The following MYB variants were observed in gnomAD, a reference collection of about 807,000 sequenced individuals.
MYB encodes the protein MYB proto-oncogene, transcription factor.
In MYB, 28 loss-of-function variants were observed where a neutral mutation model predicts 92.9. The ratio of observed to expected loss-of-function variants is 0.30; its 90% confidence interval spans 0.22 to 0.41. MYB has a LOEUF of 0.41. MYB is among the 10% of genes least tolerant of loss of function. The probability of loss-of-function intolerance (pLI) is 1.00; values close to 1 mark genes in which losing one functional copy is unlikely to be tolerated. For synonymous variants in MYB, 295 were observed against 329.1 expected (o/e 0.90, Z 1.12); for missense variants, 679 against 929.3 (o/e 0.73, Z 3.50).
rs1351563449 is a variant in MYB, at chr6:135,182,439, C to G, written c.23+903C>G. On this transcript the variant is annotated intron_variant, in intron 1 of 15. Coordinates refer to ENST00000341911, the MANE Select transcript of MYB (RefSeq NM_001130173.2). The surrounding 1 kb of genome is among the most constrained non-coding windows in gnomAD (Gnocchi z 5.6). The stretch of plus-strand genomic sequence containing the variant: ...GCCAGGGCTAGCTCGGCAGCCGTCG[C>G]AGTCGCCACTCGGCTCAAGGGGACA... Among the ~76,000 whole-genome samples the G allele has an allele frequency of 6.6e-6, 1 of 152,138 alleles. No homozygotes were observed. The highest frequency in any genetic ancestry group is 2.4e-5 in the African/African-American group (1 of 41,448).
At position 135,198,972 on chromosome 6, in the gene MYB, CCCT is replaced by C; in HGVS notation, c.1633_1635del (p.Leu545del). ...GAAATGCCTTCTTTAACTTCCACCC[CCCT>C]CATTGGTCACAAATTGACTGTTACA... On this transcript the variant is annotated inframe_deletion, in exon 11 of 16. Coordinates refer to ENST00000341911, the MANE Select transcript of MYB (RefSeq NM_001130173.2). 1 of 1,611,602 alleles carries C rather than the reference CCCT, an allele frequency of 6.2e-7. No homozygotes were observed. The highest frequency in any genetic ancestry group is 8.5e-7 in the Non-Finnish European group (1 of 1,177,992).
At chr6:135,199,084 CTTAT>C (rs749008640) in intron 11 of MYB, 34 bp downstream of exon 11, 1 of 1,486,884 alleles carries the variant, frequency 6.7e-7, no homozygotes, top group Non-Finnish European at 9.1e-7. Context: ...AATGATTTAT[CTTAT>C]TTACTTATAT....
chr6:135,195,466 TATG>T (rs1282558255), intron 8 of MYB: 3 of 423,082 alleles, frequency 7.1e-6, no homozygotes, highest in South Asian at 4.2e-5. Context: ...TTTAAGACAA[TATG>T]ATAATTATAC....
intron 3 of MYB, among the ~76,000 whole-genome samples, chr6:135,189,006 C>T (rs138684480): frequency 6.6e-6 from 1 of 152,212 alleles, no homozygotes; most frequent in Non-Finnish European, 1.5e-5. Flanking sequence ...CTTCCTCTCT[C>T]TAAGCAGGTT....
intron 8 of MYB, chr6:135,194,719 G>T (rs983284563): frequency 1.1e-5 from 6 of 569,846 alleles, no homozygotes; most frequent in African/African-American, 9.4e-5. Context: ...TCTTCAGAAG[G>T]ACTATAATCA....
chr6:135,212,873 T>C (rs1276484896), intron 15 of MYB, among the ~76,000 whole-genome samples: 1 of 152,182 alleles, frequency 6.6e-6, no homozygotes, highest in African/African-American at 2.4e-5. Flanking sequence ...TAATCTTCCT[T>C]TGTCAAAATA....
rs76230903 is a variant in MYB, at chr6:135,211,751, G to A, written c.2170-6113G>A. Among the ~76,000 whole-genome samples the A allele has an allele frequency of 7.1e-3, 1,086 of 152,266 alleles. 6 individuals are homozygous for A. The highest frequency in any genetic ancestry group is 0.023 in the South Asian group (110 of 4,820). Reference sequence around the variant, plus strand: ...CATCCACATTTGCAATTGTTAGTTAGGCTTGGGAAGTGGAGTCATTGGTGG... The same window carrying A: ...CATCCACATTTGCAATTGTTAGTTAAGCTTGGGAAGTGGAGTCATTGGTGG... On this transcript the variant is annotated intron_variant, in intron 15 of 15. Transcript: ENST00000341911.
intron 6 of MYB, among the ~76,000 whole-genome samples, chr6:135,193,539 A>G (rs1776897644): frequency 6.6e-6 from 1 of 152,104 alleles, no homozygotes; most frequent in Non-Finnish European, 1.5e-5. Flanking sequence ...AATGTATTTT[A>G]TAATATATTT....
intron 15 of MYB, among the ~76,000 whole-genome samples, chr6:135,210,083 G>A (rs1467427247): frequency 6.6e-6 from 1 of 152,200 alleles, no homozygotes; most frequent in African/African-American, 2.4e-5. Context: ...GAAAAGAGTT[G>A]CCTGCTTTCC....
chr6:135,198,376 TCCCAAA>T (rs1272423641), intron 10 of MYB, among the ~76,000 whole-genome samples: 1 of 152,236 alleles, frequency 6.6e-6, no homozygotes, highest in Non-Finnish European at 1.5e-5. Flanking sequence ...ATGTTGTGTT[TCCCAAA>T]TTTATTTTAC....
chr6:135,195,574 G>A, intron 8 of MYB, 174 bp from the exon 9 acceptor site: 2 of 663,740 alleles, frequency 3.0e-6, no homozygotes, highest in South Asian at 3.9e-5. Context: ...ACAGGGTCTT[G>A]CATTGATAAA....
chr6:135,190,339 G>A lies in MYB; in HGVS notation c.519G>A (p.Leu173=). 1 of 1,613,476 alleles carries A rather than the reference G, an allele frequency of 6.2e-7. No homozygotes were observed. ...GNRWAEIAKL[L]PGRTDNAIKN... The stretch of plus-strand genomic sequence containing the variant: ...GATGGGCAGAAATCGCAAAGCTACT[G>A]CCTGGACGGTAATAATATGTCAAAA... The change falls in exon 5 of 16, where the codon CTG becomes CTA. Residue 173 remains leucine (L), a synonymous_variant. Transcript: ENST00000341911. This position sits in a 1 kb window ranked among gnomAD's most constrained non-coding sequence, Gnocchi z 4.5.
intron 15 of MYB, among the ~76,000 whole-genome samples, chr6:135,217,253 C>T: frequency 6.6e-6 from 1 of 151,902 alleles, no homozygotes; most frequent in East Asian, 1.9e-4. Context: ...CCTGTAGTCC[C>T]AGCTGCTTGG....
At chr6:135,189,743 T>A (rs574702809) in intron 3 of MYB, 48 bp from the exon 4 acceptor site, 2 of 1,511,716 alleles carry the variant, frequency 1.3e-6, no homozygotes, top group South Asian at 1.2e-5. Flanking sequence ...AAAATTCACG[T>A]GCTTATCACA....
Position 135,193,938 on chromosome 6 carries a change from A to T in MYB, c.843+20A>T. On this transcript the variant is annotated intron_variant, in intron 7 of 15. Transcript: ENST00000341911. ...ATTCAGGTAAGATCATTGATCATTC[A>T]CTGTTCAAAGCACCACTTTTAAGAA... 6.4e-7 allele frequency: 1 copy of T among 1,561,638 alleles called. No individual in the cohort carries two copies. Among genetic ancestry groups the T allele is most frequent in the South Asian group, 1.1e-5 (1 of 89,940 alleles).
chr6:135,193,405 A>G (rs980600736), intron 6 of MYB, among the ~76,000 whole-genome samples: 1 of 152,224 alleles, frequency 6.6e-6, no homozygotes, highest in Admixed American at 6.5e-5. Flanking sequence ...TCAGATGAAT[A>G]AATTATCATA....
chr6:135,204,387 C>T (rs1170450860), intron 15 of MYB, among the ~76,000 whole-genome samples: 1 of 152,146 alleles, frequency 6.6e-6, no homozygotes, highest in Non-Finnish European at 1.5e-5. Context: ...CAACCTCCGC[C>T]TCCCAGATTC....
At chr6:135,188,518 TTTG>T (rs1225194068) in intron 3 of MYB, among the ~76,000 whole-genome samples, 1 of 151,028 alleles carries the variant, frequency 6.6e-6, no homozygotes, top group Non-Finnish European at 1.5e-5. Flanking sequence ...TTTTTTGTTT[TTTG>T]TTTTTTGAGA....
rs766364054 is a variant in MYB, at chr6:135,203,228, A to G, written c.2073A>G (p.Thr691=). ...TCTCTTCCCTTTAGAATATTCTTAC[A>G]AGCTCCGTTTTAATGGCACCAGCAT... is the stretch of plus-strand genomic sequence containing the variant. The part of the protein sequence containing the change: ...SPVADAPNIL[T]SSVLMAPASE... Residue 691 remains threonine, a synonymous_variant, in exon 15 of 16, where the codon ACA becomes ACG. Coordinates refer to ENST00000341911, the MANE Select transcript of MYB (RefSeq NM_001130173.2). The G allele has an allele frequency of 3.1e-5, 49 of 1,600,714 alleles. No individual in the cohort carries two copies. In the Admixed American group the frequency reaches 3.9e-4, roughly 13 times the overall value.
Sources: gnomAD v4.1 joint callset for allele counts (sites outside exome capture counted in the v4.1 genomes callset) on GRCh38, gnomAD v4.1.1 for gene constraint, Gnocchi (gnomAD v3.1) non-coding constraint, MANE v1.5 for transcripts, NCBI Gene and HGNC (gene_info 2026-07-23, HGNC 2026-07-21) for gene names.